CLRN3: variants seen among roughly 807,000 people sequenced by gnomAD.
CLRN3 encodes clarin-3.
Under a neutral mutation model 16.7 loss-of-function variants are expected in CLRN3, and 12 were observed. The observed-to-expected ratio is 0.72, with a 90% CI of 0.46 to 1.16. CLRN3 has a LOEUF of 1.16. Among genes scored for constraint, CLRN3 ranks in the 50% most tolerant of loss-of-function variants. The probability of loss-of-function intolerance (pLI) is 0.00; values close to 1 mark genes in which losing one functional copy is unlikely to be tolerated. For missense variants in CLRN3, 296 were observed against 274.2 expected (o/e 1.08, Z -0.56); for synonymous variants, 118 against 113.0 (o/e 1.04, Z -0.28).
chr10:127,887,820 C>G (rs962037262), intron 1 of CLRN3, among the ~76,000 whole-genome samples: 8 of 152,204 alleles, frequency 5.3e-5, no homozygotes, highest in African/African-American at 1.9e-4. Context: ...ACATTCCGTT[C>G]TTTTTCTTCC....
intron 2 of CLRN3, among the ~76,000 whole-genome samples, chr10:127,883,254 G>A (rs909127470): frequency 2.1e-5 from 3 of 141,992 alleles, no homozygotes; most frequent in Non-Finnish European, 4.6e-5. Flanking sequence ...AGAAGGAAGT[G>A]TGTGCTGGTG....
chr10:127,889,214 C>A (rs1219681622), intron 1 of CLRN3, among the ~76,000 whole-genome samples: 1 of 152,034 alleles, frequency 6.6e-6, no homozygotes, highest in African/African-American at 2.4e-5. Context: ...CCCAGCTACA[C>A]CAGAAGCTGA....
Position 127,892,621 on chromosome 10 carries a change from A to T in CLRN3, c.164T>A (p.Leu55His). The T allele has an allele frequency of 6.2e-7, 1 of 1,613,498 alleles. No homozygotes were observed. Residue 55 changes from leucine (L) to histidine (H), a missense_variant, in exon 1 of 3, where the codon CTT becomes CAT. Leu to His is a moderately conservative substitution (Grantham distance 99). Coordinates refer to ENST00000368671, the MANE Select transcript of CLRN3 (RefSeq NM_152311.5). ...TTCTTCACTACTCTCCCCACGAAAA[A>T]GTCCGTAAGTGATGAAAATGCTCCC... ...SNGSIFITYG[L>H]FRGESSEELS...
At chr10:127,885,364 A>G (rs180903784) in intron 1 of CLRN3, among the ~76,000 whole-genome samples, 1 of 152,158 alleles carries the variant, frequency 6.6e-6, no homozygotes, top group African/African-American at 2.4e-5. Flanking sequence ...CACGACTTAA[A>G]CCCAGGGGTC....
At chr10:127,888,396 G>T (rs1443707150) in intron 1 of CLRN3, among the ~76,000 whole-genome samples, 3 of 152,194 alleles carry the variant, frequency 2.0e-5, no homozygotes, top group Non-Finnish European at 4.4e-5. Flanking sequence ...TATCTCTGGG[G>T]GCAGATGATG....
intron 2 of CLRN3, among the ~76,000 whole-genome samples, chr10:127,882,711 T>C (rs903753092): frequency 6.6e-6 from 1 of 152,196 alleles, no homozygotes; most frequent in Non-Finnish European, 1.5e-5. Context: ...CTTCCTGACA[T>C]GTCTGATATC....
At chr10:127,883,024 G>A (rs956844514) in intron 2 of CLRN3, among the ~76,000 whole-genome samples, 3 of 152,154 alleles carry the variant, frequency 2.0e-5, no homozygotes, top group South Asian at 4.1e-4. Flanking sequence ...GCTGGGACCC[G>A]CTTCCCATCT....
At chr10:127,880,667 G>A (rs910953457) in intron 2 of CLRN3, among the ~76,000 whole-genome samples, 2 of 152,146 alleles carry the variant, frequency 1.3e-5, no homozygotes. Context: ...GGTAGGCTGA[G>A]GTCAGAGGTC....
chr10:127,891,834 C>T (rs1021944263), intron 1 of CLRN3, among the ~76,000 whole-genome samples: 2 of 152,114 alleles, frequency 1.3e-5, no homozygotes, highest in Non-Finnish European at 2.9e-5. Flanking sequence ...AAAACAAAGT[C>T]CACTTAATGT....
intron 1 of CLRN3, among the ~76,000 whole-genome samples, chr10:127,886,879 TG>T (rs1161020243): frequency 6.6e-6 from 1 of 152,140 alleles, no homozygotes; most frequent in Non-Finnish European, 1.5e-5. Flanking sequence ...GCATAGTCTC[TG>T]GCTATGCATC....
At chr10:127,890,820 A>G (rs1845249470) in intron 1 of CLRN3, among the ~76,000 whole-genome samples, 1 of 152,150 alleles carries the variant, frequency 6.6e-6, no homozygotes, top group South Asian at 2.1e-4. Context: ...CAGTAACATG[A>G]CTTTCCCCTG....
chr10:127,890,403 A>T (rs1845245545), intron 1 of CLRN3, among the ~76,000 whole-genome samples: 1 of 152,270 alleles, frequency 6.6e-6, no homozygotes, highest in South Asian at 2.1e-4. Flanking sequence ...ATGTTGGCTG[A>T]ATTATTTTGG....
chr10:127,886,072 T>G lies in CLRN3; in HGVS notation c.230-2197A>C, dbSNP rs7906703. On this transcript the variant is annotated intron_variant, in intron 1 of 2. Coordinates refer to ENST00000368671, the MANE Select transcript of CLRN3 (RefSeq NM_152311.5). ...GCCCGGCCTTTTAAAAAATGTTCCA[T>G]AGGGACAGGATCTCACTATGTTGCC... 5.9e-5 allele frequency among the ~76,000 whole-genome samples: 9 copies of G among 151,998 alleles called. 1 individual carries two copies. The South Asian group carries it at 1.9e-3, about 32-fold the overall frequency.
rs572232956 is a variant in CLRN3, at chr10:127,881,484, C to T, written c.409+2212G>A. 4.6e-5 allele frequency among the ~76,000 whole-genome samples: 7 copies of T among 152,304 alleles called. No homozygotes were observed. The South Asian group carries it at 6.2e-4, about 14-fold the overall frequency. On this transcript the variant is annotated intron_variant, in intron 2 of 2. Coordinates refer to ENST00000368671, the MANE Select transcript of CLRN3 (RefSeq NM_152311.5). ...CAATGCTGGGTCCCTGTTGTTCGGC[C>T]GGCGCCACACCTGGCCCTCTACTCT...
In CLRN3 at chr10:127,892,718, C is replaced by T; in HGVS notation, c.67G>A (p.Val23Ile). 9 of 1,613,766 alleles carry T rather than the reference C, an allele frequency of 5.6e-6. No individual in the cohort carries two copies. Among genetic ancestry groups the T allele is most frequent in the Non-Finnish European group, 7.6e-6 (9 of 1,179,736 alleles). Residue 23 changes from valine (V) to isoleucine (I), a missense_variant, in exon 1 of 3, where the codon GTA (valine) becomes ATA (isoleucine). Physicochemically the swap from Val to Ile is conservative, Grantham distance 29. Coordinates refer to ENST00000368671, the MANE Select transcript of CLRN3 (RefSeq NM_152311.5). Reference protein sequence around the residue: ...SFFTSLGSFIVICSILGTQAW... With the variant: ...SFFTSLGSFIIICSILGTQAW... The stretch of plus-strand genomic sequence containing the variant: ...TGTGTCCCAAGAATAGAGCAAATTA[C>T]AATGAAGGACCCAAGGCTGGTGAAA...
chr10:127,883,820 C>T lies in CLRN3; in HGVS notation c.285G>A (p.Leu95=). ...ACGTGATCAAACTCAGGACCAGGAA[C>T]AGGATAGTCACCGAATGCAGAGTTT... ...SQKTLHSVTI[L]FLVLSLITSL... The change falls in exon 2 of 3, where the codon CTG becomes CTA. Residue 95 remains leucine, a synonymous_variant. Transcript: ENST00000368671. 6.2e-7 allele frequency: 1 copy of T among 1,614,200 alleles called. No homozygotes were observed. Among genetic ancestry groups the T allele is most frequent in the Non-Finnish European group, 8.5e-7 (1 of 1,180,044 alleles).
Position 127,883,695 on chromosome 10 carries a change from C to T in CLRN3, c.409+1G>A, listed in dbSNP as rs1455677518. On this transcript the variant is annotated splice_donor_variant, in intron 2 of 2. Transcript: ENST00000368671. LOFTEE classifies it high-confidence loss of function. Reference sequence around the variant, plus strand: ...GCACCGAGTCTCACAGGGCCACTCACCACCGAGCCCGTTCCAGGTGTACAC... The same window carrying T: ...GCACCGAGTCTCACAGGGCCACTCATCACCGAGCCCGTTCCAGGTGTACAC... 7 of 1,609,706 alleles carry T rather than the reference C, an allele frequency of 4.3e-6. No individual in the cohort carries two copies. Among genetic ancestry groups the T allele is most frequent in the South Asian group, 1.1e-5 (1 of 90,964 alleles).
chr10:127,886,192 G>T (rs6482993), intron 1 of CLRN3, among the ~76,000 whole-genome samples: 2 of 152,094 alleles, frequency 1.3e-5, no homozygotes, highest in African/African-American at 4.8e-5. Flanking sequence ...CCAGATAGAC[G>T]TGGGGCTCCC....
rs571190289 is a variant in CLRN3, at chr10:127,878,064, T to G, written c.*85A>C. On this transcript the variant is annotated 3_prime_UTR_variant, in exon 3 of 3. Transcript: ENST00000368671. ...GTCACAGATGACAGTCACGTTACCA[T>G]GCTGAATTGTCCAGAGAAGCTAACC... is the stretch of plus-strand genomic sequence containing the variant. 36 of 1,472,690 alleles carry G rather than the reference T, an allele frequency of 2.4e-5. 1 individual carries two copies. The South Asian group carries it at 4.3e-4, about 17-fold the overall frequency. The allele number at this position is 1,472,690 out of a possible 1,614,324, so 91.2% of individuals were successfully genotyped here.
Sources: gnomAD v4.1 joint callset for allele counts (sites outside exome capture counted in the v4.1 genomes callset) on GRCh38, gnomAD v4.1.1 for gene constraint, MANE v1.5 for transcripts, NCBI Gene and HGNC (gene_info 2026-07-23, HGNC 2026-07-21) for gene names.